Variants in KIFAP3 observed in about 807,000 individuals in gnomAD.
KIFAP3 encodes kinesin-associated protein 3.
In KIFAP3, 68 loss-of-function variants were observed where a neutral mutation model predicts 106.5. That is an observed-to-expected ratio of 0.64 (90% CI 0.53 to 0.78). The LOEUF is 0.78. KIFAP3 is among the 30% of genes least tolerant of loss of function. KIFAP3 has a pLI of 0.00. For missense variants in KIFAP3, 780 were observed against 941.8 expected (o/e 0.83, Z 2.25); for synonymous variants, 320 against 311.5 (o/e 1.03, Z -0.29).
chr1:169,993,669 C>T (rs1257440401), intron 10 of KIFAP3, among the ~76,000 whole-genome samples: 33,254 of 46,456 alleles, frequency 0.72, 10,050 homozygotes, highest in Middle Eastern at 0.76. Flanking sequence ...TGCAGTGAGC[C>T]CAGATTGTGC....
chr1:170,076,810 T>C (rs934902856), upstream of KIFAP3, among the ~76,000 whole-genome samples: 7 of 152,348 alleles, frequency 4.6e-5, no homozygotes, highest in African/African-American at 1.7e-4. Flanking sequence ...TAATTTAAAG[T>C]GAGGCAAAGT....
intron 1 of KIFAP3, chr1:170,068,263 CTT>C (rs1202676933): frequency 6.6e-6 from 1 of 152,078 alleles, no homozygotes; most frequent in Non-Finnish European, 1.5e-5. Context: ...TTATCAAAGA[CTT>C]TAAATCAACT....
chr1:170,074,614 T>G lies in KIFAP3; in HGVS notation c.-147A>C. On this transcript the variant is annotated 5_prime_UTR_variant, in exon 1 of 20. Transcript: ENST00000361580. Reference sequence around the variant, plus strand: ...GGCGGGGCAGCAGCGGCGCTGTGGTTACCACGGTGAAGCCTCCAGCTCCTC... The same window carrying G: ...GGCGGGGCAGCAGCGGCGCTGTGGTGACCACGGTGAAGCCTCCAGCTCCTC... The G allele has an allele frequency of 6.6e-7, 1 of 1,513,252 alleles. No homozygotes were observed. The highest frequency in any genetic ancestry group is 8.9e-7 in the Non-Finnish European group (1 of 1,127,404). 93.7% of individuals were successfully genotyped at this position (1,513,252 alleles called of 1,614,324 possible).
At chr1:170,045,603 G>GA (rs1163907707) in intron 3 of KIFAP3, among the ~76,000 whole-genome samples, 1 of 152,070 alleles carries the variant, frequency 6.6e-6, no homozygotes, top group Non-Finnish European at 1.5e-5. Context: ...TGTTTCAAAA[G>GA]AAACTATAGT....
chr1:169,983,392 A>G lies in KIFAP3; in HGVS notation c.1394-10T>C, dbSNP rs749028831. 2.6e-6 allele frequency: 4 copies of G among 1,556,936 alleles called. No homozygotes were observed. The highest frequency in any genetic ancestry group is 1.2e-5 in the South Asian group (1 of 86,914). On this transcript the variant is annotated splice_polypyrimidine_tract_variant and intron_variant, in intron 12 of 19. Coordinates refer to ENST00000361580, the MANE Select transcript of KIFAP3 (RefSeq NM_014970.4). ...ATCTTCAGCCCATTTCCTGAAACAG[A>G]AAAGTCCCCCAATAAAATTAAGGTT...
At chr1:169,944,211 T>C (rs1189965913) in intron 19 of KIFAP3, among the ~76,000 whole-genome samples, 6 of 152,000 alleles carry the variant, frequency 3.9e-5, no homozygotes, top group African/African-American at 1.5e-4. Flanking sequence ...AAGCGCAGGG[T>C]CTGGTCACCA....
chr1:169,998,054 T>C (rs1420959624), intron 10 of KIFAP3, among the ~76,000 whole-genome samples: 6 of 151,590 alleles, frequency 4.0e-5, no homozygotes, highest in South Asian at 2.1e-4. Flanking sequence ...AAAAAAACTT[T>C]AGTAAAGAAA....
intron 10 of KIFAP3, among the ~76,000 whole-genome samples, chr1:170,003,571 A>G (rs1483619766): frequency 6.8e-6 from 1 of 148,132 alleles, no homozygotes; most frequent in African/African-American, 2.5e-5. Context: ...TCAGACAGGG[A>G]CATCTAAGTC....
intron 1 of KIFAP3, among the ~76,000 whole-genome samples, chr1:170,067,139 A>G (rs1421611534): frequency 6.6e-6 from 1 of 152,198 alleles, no homozygotes; most frequent in Non-Finnish European, 1.5e-5. Flanking sequence ...GTCAGAAGAA[A>G]ACACCCAGAA....
At chr1:169,982,207 G>T in intron 14 of KIFAP3, 110 bp from the exon 15 acceptor site, 1 of 1,127,028 alleles carries the variant, frequency 8.9e-7, no homozygotes, top group Non-Finnish European at 1.3e-6. Flanking sequence ...ATTAAATCAA[G>T]TCATATGAAT....
At chr1:169,980,387 TG>T (rs1398215396) in intron 15 of KIFAP3, among the ~76,000 whole-genome samples, 2 of 152,174 alleles carry the variant, frequency 1.3e-5, no homozygotes, top group Non-Finnish European at 2.9e-5. Context: ...CTAGTTATGA[TG>T]TGTAAGATCC....
intron 10 of KIFAP3, among the ~76,000 whole-genome samples, chr1:169,999,044 T>C (rs1667530632): frequency 6.6e-6 from 1 of 152,170 alleles, no homozygotes; most frequent in Non-Finnish European, 1.5e-5. Flanking sequence ...CAGCCAACAT[T>C]TAATATTACG....
At chr1:169,944,587 T>G (rs767555879) in intron 19 of KIFAP3, among the ~76,000 whole-genome samples, 1 of 152,160 alleles carries the variant, frequency 6.6e-6, no homozygotes, top group African/African-American at 2.4e-5. Context: ...TCCCAGGTTC[T>G]TGTTTCCCAT....
intron 19 of KIFAP3, among the ~76,000 whole-genome samples, chr1:169,938,452 T>C (rs1232250289): frequency 1.3e-5 from 2 of 152,066 alleles, no homozygotes; most frequent in African/African-American, 2.4e-5. Context: ...GTATGCATTG[T>C]ACATTTGAAA....
chr1:169,943,573 CATT>C lies in KIFAP3; in HGVS notation c.2273+10435_2273+10437del, dbSNP rs564806438. ...CAATTATATACAATTTTGTTATTCTCATTATAATATGAAGGAGCAAGCCTTTAT... is the reference window on the plus strand; with the variant it reads ...CAATTATATACAATTTTGTTATTCTCATAATATGAAGGAGCAAGCCTTTAT... On this transcript the variant is annotated intron_variant, in intron 19 of 19. Transcript: ENST00000361580. Among the ~76,000 whole-genome samples the C allele has an allele frequency of 1.6e-4, 25 of 152,146 alleles. No individual in the cohort carries two copies. The South Asian group carries it at 4.8e-3, about 29-fold the overall frequency.
chr1:169,935,202 A>T (rs964540286), intron 19 of KIFAP3, among the ~76,000 whole-genome samples: 1 of 152,082 alleles, frequency 6.6e-6, no homozygotes, highest in African/African-American at 2.4e-5. Context: ...TTGGGCACCT[A>T]TATCAATATA....
intron 1 of KIFAP3, among the ~76,000 whole-genome samples, chr1:170,080,105 A>G (rs966855451): frequency 2.0e-5 from 3 of 152,096 alleles, no homozygotes; most frequent in Admixed American, 6.5e-5. Flanking sequence ...ACAAAAATCA[A>G]TTGCATTGAC....
At chr1:169,936,184 C>T (rs1219278169) in intron 19 of KIFAP3, among the ~76,000 whole-genome samples, 1 of 129,392 alleles carries the variant, frequency 7.7e-6, no homozygotes, top group Non-Finnish European at 1.6e-5. Flanking sequence ...AGTTCAAAGC[C>T]TAAAATGTTT....
intron 19 of KIFAP3, among the ~76,000 whole-genome samples, chr1:169,928,372 ACAGGCGTGAGC>A (rs1400630816): frequency 1.3e-5 from 2 of 152,092 alleles, no homozygotes; most frequent in Non-Finnish European, 2.9e-5. Context: ...TGCTGGGATT[ACAGGCGTGAGC>A]CACTGTGCCC....
Sources: allele counts gnomAD v4.1 joint callset (sites outside exome capture counted in the v4.1 genomes callset), GRCh38; gene constraint gnomAD v4.1.1; transcripts MANE v1.5; gene names NCBI Gene and HGNC (gene_info 2026-07-23, HGNC 2026-07-21).